The following GRIP1 variants were observed in gnomAD, a reference collection of about 807,000 sequenced individuals.
GRIP1 encodes glutamate receptor-interacting protein 1.
Under a neutral mutation model 129.9 loss-of-function variants are expected in GRIP1, and 45 were observed. That is an observed-to-expected ratio of 0.35 (90% CI 0.27 to 0.44). GRIP1 has a LOEUF of 0.44. Among genes scored for constraint, GRIP1 ranks in the 20% least tolerant of loss-of-function variants. GRIP1 has a pLI of 1.00. For missense variants in GRIP1, 1,196 were observed against 1,396.8 expected (o/e 0.86, Z 2.29); for synonymous variants, 530 against 520.8 (o/e 1.02, Z -0.24).
At chr12:66,563,785 A>G (rs1025710872) in intron 2 of GRIP1, 5 of 152,206 alleles carry the variant, frequency 3.3e-5, no homozygotes, top group African/African-American at 1.2e-4. Flanking sequence ...GTATATAATT[A>G]AATACAATTG....
intron 1 of GRIP1, among the ~76,000 whole-genome samples, chr12:67,066,013 G>A (rs2043618277): frequency 6.6e-6 from 1 of 152,188 alleles, no homozygotes; most frequent in African/African-American, 2.4e-5. Flanking sequence ...TAGTGGGTAG[G>A]ATGGAGAAAT....
intron 1 of GRIP1, among the ~76,000 whole-genome samples, chr12:66,886,529 G>A (rs547405531): frequency 1.3e-5 from 2 of 151,924 alleles, no homozygotes; most frequent in African/African-American, 2.4e-5. Flanking sequence ...TAACTGAGCC[G>A]TTTCCCTGTT....
intron 1 of GRIP1, among the ~76,000 whole-genome samples, chr12:66,921,535 T>G (rs1045254397): frequency 6.6e-6 from 1 of 152,238 alleles, no homozygotes; most frequent in African/African-American, 2.4e-5. Context: ...CTCCTAGTAC[T>G]GCAGGCTCCT....
At chr12:66,467,739 T>A (rs1397609536) in intron 7 of GRIP1, among the ~76,000 whole-genome samples, 2 of 152,184 alleles carry the variant, frequency 1.3e-5, no homozygotes, top group Non-Finnish European at 2.9e-5. Flanking sequence ...CATAGCAACC[T>A]TTTTCTGCTC....
At chr12:66,507,069 T>C (rs2060548635) in intron 7 of GRIP1, among the ~76,000 whole-genome samples, 1 of 152,184 alleles carries the variant, frequency 6.6e-6, no homozygotes. Context: ...ACAAGGAAGC[T>C]TGTGTGTCGT....
intron 2 of GRIP1, among the ~76,000 whole-genome samples, chr12:66,561,897 C>T (rs2062547026): frequency 6.6e-6 from 1 of 151,824 alleles, no homozygotes; most frequent in African/African-American, 2.4e-5. Flanking sequence ...AGTTTGAGAC[C>T]ACCCTGGACA....
At chr12:66,355,950 G>T (rs2054469487) in intron 23 of GRIP1, among the ~76,000 whole-genome samples, 1 of 152,132 alleles carries the variant, frequency 6.6e-6, no homozygotes, top group African/African-American at 2.4e-5. Flanking sequence ...TGGAGTTCCA[G>T]CCATCCCCCT....
chr12:66,735,938 A>G (rs1278993859), intron 1 of GRIP1, among the ~76,000 whole-genome samples: 1 of 152,102 alleles, frequency 6.6e-6, no homozygotes, highest in Non-Finnish European at 1.5e-5. Flanking sequence ...GGCCCTTGGG[A>G]TATCATGCAG....
Position 66,444,609 on chromosome 12 carries a change from T to C in GRIP1, c.1662A>G (p.Thr554=), listed in dbSNP as rs1592884741. The C allele has an allele frequency of 6.2e-7, 1 of 1,614,040 alleles. No homozygotes were observed. Among genetic ancestry groups the C allele is most frequent in the South Asian group, 1.1e-5 (1 of 91,082 alleles). The change falls in exon 13 of 25, where the codon ACA becomes ACG. Residue 554 remains threonine (T), a synonymous_variant. Transcript: ENST00000359742. ...LRDSSITSKV[T]LEIEFDVAES... ...CTGCAACATCAAACTCGATTTCCAG[T>C]GTGACCTTGCTCGTGATTGAAGAGT...
At chr12:66,600,783 T>C (rs886635107) in intron 1 of GRIP1, among the ~76,000 whole-genome samples, 6 of 152,328 alleles carry the variant, frequency 3.9e-5, no homozygotes, top group Non-Finnish European at 5.9e-5. Context: ...CAGACTTCGA[T>C]GATCATATTA....
intron 11 of GRIP1, among the ~76,000 whole-genome samples, chr12:66,454,952 T>C (rs1489246822): frequency 6.6e-6 from 1 of 152,194 alleles, no homozygotes; most frequent in Non-Finnish European, 1.5e-5. Context: ...GTATAAAATT[T>C]ATGACAACAT....
chr12:67,032,607 T>C (rs1242400643), intron 1 of GRIP1, among the ~76,000 whole-genome samples: 1 of 152,186 alleles, frequency 6.6e-6, no homozygotes, highest in Non-Finnish European at 1.5e-5. Context: ...GACTTTCCTT[T>C]GCACTATAGG....
At chr12:66,503,841 C>A (rs2060455635) in intron 7 of GRIP1, among the ~76,000 whole-genome samples, 1 of 152,130 alleles carries the variant, frequency 6.6e-6, no homozygotes, top group South Asian at 2.1e-4. Context: ...TCCCATTCCT[C>A]CCAAATATCT....
intron 9 of GRIP1, among the ~76,000 whole-genome samples, chr12:66,458,248 C>A (rs1289188271): frequency 6.6e-6 from 1 of 151,872 alleles, no homozygotes; most frequent in African/African-American, 2.4e-5. Context: ...CAAGCTGCCA[C>A]CTCCTTCATC....
chr12:66,909,028 T>C (rs953072656), intron 1 of GRIP1, among the ~76,000 whole-genome samples: 3 of 152,232 alleles, frequency 2.0e-5, no homozygotes, highest in Admixed American at 1.3e-4. Context: ...CATTCCTCAA[T>C]ATTTTTGTTA....
intron 1 of GRIP1, among the ~76,000 whole-genome samples, chr12:66,726,761 G>A (rs1297063990): frequency 2.0e-5 from 3 of 152,126 alleles, no homozygotes; most frequent in South Asian, 2.1e-4. Context: ...TCAAAGCATC[G>A]CTGAGCTGGA....
chr12:67,025,360 T>TAC (rs1212834424), intron 1 of GRIP1, among the ~76,000 whole-genome samples: 7 of 150,992 alleles, frequency 4.6e-5, no homozygotes, highest in Non-Finnish European at 7.4e-5. Context: ...CACACACACA[T>TAC]ACACACACAC....
intron 1 of GRIP1, among the ~76,000 whole-genome samples, chr12:66,954,689 T>C (rs151114304): frequency 9.4e-4 from 143 of 152,386 alleles, no homozygotes; most frequent in African/African-American, 3.2e-3. Flanking sequence ...GTGCCTACTA[T>C]GTGCCAGGCA....
chr12:66,512,477 T>C (rs997408403), intron 7 of GRIP1, among the ~76,000 whole-genome samples: 1 of 152,026 alleles, frequency 6.6e-6, no homozygotes, highest in Non-Finnish European at 1.5e-5. Flanking sequence ...TGTATCTATT[T>C]AGCTTTATCT....
Sources: gnomAD v4.1 joint callset for allele counts (sites outside exome capture counted in the v4.1 genomes callset) on GRCh38, gnomAD v4.1.1 for gene constraint, MANE v1.5 for transcripts, NCBI Gene and HGNC (gene_info 2026-07-23, HGNC 2026-07-21) for gene names.